The following ARHGEF38 variants were observed in gnomAD, a reference collection of about 807,000 sequenced individuals.
ARHGEF38 encodes the protein Rho guanine nucleotide exchange factor (GEF) 38.
ARHGEF38 carries 79 observed loss-of-function variants against 79.9 expected under a neutral mutation model. The observed-to-expected ratio is 0.99, with a 90% CI of 0.82 to 1.19. ARHGEF38 has a LOEUF of 1.19. Among genes scored for constraint, ARHGEF38 ranks in the 50% most tolerant of loss-of-function variants. The pLI is 0.00. For synonymous variants in ARHGEF38, 366 were observed against 328.3 expected (o/e 1.11, Z -1.24); for missense variants, 962 against 907.2 (o/e 1.06, Z -0.78).
At chr4:105,656,195 A>T (rs1466008933) in intron 9 of ARHGEF38, among the ~76,000 whole-genome samples, 1 of 152,046 alleles carries the variant, frequency 6.6e-6, no homozygotes, top group East Asian at 1.9e-4. Context: ...GCTGGAACTA[A>T]AGGGGCACAC....
Position 105,680,030 on chromosome 4 carries a change from T to G in ARHGEF38, c.*2093T>G. 1.1e-6 allele frequency: 1 copy of G among 920,156 alleles called. No homozygotes were observed. Among genetic ancestry groups the G allele is most frequent in the Non-Finnish European group, 1.8e-6 (1 of 552,504 alleles). 57.0% of individuals were successfully genotyped at this position (920,156 alleles called of 1,614,324 possible). On this transcript the variant is annotated 3_prime_UTR_variant, in exon 14 of 14. Coordinates refer to ENST00000420470, the MANE Select transcript of ARHGEF38 (RefSeq NM_001242729.2). The stretch of plus-strand genomic sequence containing the variant: ...CGGATTCATGGCCATGTCAGTTACA[T>G]TCTTCTTCGTCTCACAGAAAATAAT...
chr4:105,676,449 G>T (rs1278903015), intron 13 of ARHGEF38, among the ~76,000 whole-genome samples: 1 of 152,070 alleles, frequency 6.6e-6, no homozygotes, highest in Non-Finnish European at 1.5e-5. Context: ...GTTGTAAGTT[G>T]TCCAATAAAA....
Position 105,629,928 on chromosome 4 carries a change from A to G in ARHGEF38, c.509-970A>G, listed in dbSNP as rs140802390. The stretch of plus-strand genomic sequence containing the variant: ...AGAAGGAAATATTTTATTTCTCTAA[A>G]CTCCATTGCTTGCCTTTCAGAGAGC... On this transcript the variant is annotated intron_variant, in intron 3 of 13. Transcript: ENST00000420470. Among the ~76,000 whole-genome samples, 508 of 152,290 alleles carry G rather than the reference A, an allele frequency of 3.3e-3. 7 individuals are homozygous for G. Among genetic ancestry groups the G allele is most frequent in the African/African-American group, 0.012 (481 of 41,566 alleles).
intron 1 of ARHGEF38, chr4:105,563,192 T>C (rs1410471726): frequency 6.6e-6 from 1 of 151,678 alleles, no homozygotes; most frequent in Non-Finnish European, 1.5e-5. Flanking sequence ...GTTATTATTA[T>C]TAGAGACACA....
intron 5 of ARHGEF38, among the ~76,000 whole-genome samples, chr4:105,636,848 A>C (rs753392418): frequency 2.6e-5 from 4 of 152,128 alleles, no homozygotes; most frequent in Admixed American, 6.6e-5. Context: ...GATTTCTTCT[A>C]ATTTCAAGTC....
At chr4:105,654,956 A>C (rs1730262230) in intron 8 of ARHGEF38, among the ~76,000 whole-genome samples, 1 of 152,202 alleles carries the variant, frequency 6.6e-6, no homozygotes, top group East Asian at 1.9e-4. Flanking sequence ...CTCTTAGATA[A>C]AATATCAGAA....
At chr4:105,562,909 T>C (rs903433098) in intron 1 of ARHGEF38, among the ~76,000 whole-genome samples, 2 of 152,152 alleles carry the variant, frequency 1.3e-5, no homozygotes, top group Non-Finnish European at 1.5e-5. Flanking sequence ...GTGGTCTCAT[T>C]GGAAGCTTTA....
At position 105,647,359 on chromosome 4, in the gene ARHGEF38, T is replaced by A. The variant is rs540943006; in HGVS notation, c.875-1190T>A. On this transcript the variant is annotated intron_variant, in intron 6 of 13. Coordinates refer to ENST00000420470, the MANE Select transcript of ARHGEF38 (RefSeq NM_001242729.2). Reference sequence around the variant, plus strand: ...TATATGGTACTATAGTTTGTTTTTTTAAAAACTTAATCGTATATCATGAAC... The same window carrying A: ...TATATGGTACTATAGTTTGTTTTTTAAAAAACTTAATCGTATATCATGAAC... Among the ~76,000 whole-genome samples, 454 of 152,312 alleles carry A rather than the reference T, an allele frequency of 3.0e-3. 3 individuals carry two copies. The highest frequency in any genetic ancestry group is 0.01 in the African/African-American group (431 of 41,580).
chr4:105,650,083 CATT>C (rs1730036874), intron 7 of ARHGEF38, among the ~76,000 whole-genome samples: 1 of 152,176 alleles, frequency 6.6e-6, no homozygotes, highest in Non-Finnish European at 1.5e-5. Flanking sequence ...CTTTAGCTGT[CATT>C]ATTATCATAA....
intron 1 of ARHGEF38, among the ~76,000 whole-genome samples, chr4:105,577,504 T>A (rs1173341418): frequency 6.6e-6 from 1 of 152,074 alleles, no homozygotes; most frequent in Non-Finnish European, 1.5e-5. Flanking sequence ...CCAATTTTTC[T>A]TTGAATGTCT....
At chr4:105,648,430 C>G in intron 6 of ARHGEF38, 119 bp from the exon 7 acceptor site, 1 of 958,924 alleles carries the variant, frequency 1.0e-6, no homozygotes, top group South Asian at 2.4e-5. Context: ...GCAGCAGAGG[C>G]TCAAAAATCA....
chr4:105,620,303 G>A (rs1027873850), intron 3 of ARHGEF38, among the ~76,000 whole-genome samples: 7 of 152,224 alleles, frequency 4.6e-5, no homozygotes, highest in African/African-American at 1.7e-4. Flanking sequence ...ATCTCGTTTT[G>A]TCCTGTTGCT....
At chr4:105,636,276 T>C (rs893242077) in intron 4 of ARHGEF38, 127 bp from the exon 5 acceptor site, 2 of 173,078 alleles carry the variant, frequency 1.2e-5, no homozygotes, top group African/African-American at 2.4e-5. Context: ...AGACTACTTC[T>C]ATAAGGCATT....
chr4:105,570,276 T>C (rs937936096), intron 1 of ARHGEF38: 1 of 152,236 alleles, frequency 6.6e-6, no homozygotes, highest in Non-Finnish European at 1.5e-5. Context: ...GTTGCTCTTA[T>C]TATAGGCTTA....
chr4:105,556,839 A>C (rs1192809488), intron 1 of ARHGEF38, among the ~76,000 whole-genome samples: 1 of 152,190 alleles, frequency 6.6e-6, no homozygotes, highest in African/African-American at 2.4e-5. Context: ...ATGTGAGGAC[A>C]CATGTTTCTA....
At chr4:105,565,444 A>AT (rs1225933708) in intron 1 of ARHGEF38, among the ~76,000 whole-genome samples, 3 of 152,146 alleles carry the variant, frequency 2.0e-5, no homozygotes, top group African/African-American at 7.2e-5. Context: ...CTAAGCCAAG[A>AT]TTTTTTTGGG....
Position 105,630,933 on chromosome 4 carries a change from G to T in ARHGEF38, c.544G>T (p.Asp182Tyr), listed in dbSNP as rs767549444. ...VFLQIKGPLEDIYKIYCYHHD... is the reference protein window; with the variant it reads ...VFLQIKGPLEYIYKIYCYHHD... Reference sequence around the variant, plus strand: ...CTTGCAGATTAAAGGGCCACTGGAAGATATTTATAAAATCTACTGCTATCA... The same window carrying T: ...CTTGCAGATTAAAGGGCCACTGGAATATATTTATAAAATCTACTGCTATCA... Residue 182 changes from aspartate to tyrosine, a missense_variant, in exon 4 of 14, where the codon GAT becomes TAT. Coordinates refer to ENST00000420470, the MANE Select transcript of ARHGEF38 (RefSeq NM_001242729.2). 100 of 1,611,934 alleles carry T rather than the reference G, an allele frequency of 6.2e-5. No homozygotes were observed. The highest frequency in any genetic ancestry group is 8.3e-5 in the Non-Finnish European group (98 of 1,179,358).
chr4:105,659,771 A>C (rs1730488023), intron 10 of ARHGEF38, among the ~76,000 whole-genome samples: 1 of 152,070 alleles, frequency 6.6e-6, no homozygotes, highest in Admixed American at 6.6e-5. Context: ...CCATCTCAGC[A>C]TAATGAAAGA....
At chr4:105,603,907 C>T (rs73837064) in intron 2 of ARHGEF38, among the ~76,000 whole-genome samples, 1,916 of 152,304 alleles carry the variant, frequency 0.013, 31 homozygotes, top group African/African-American at 0.036. Context: ...AACCATCTCC[C>T]GCTCACTTTG....
Sources: gnomAD v4.1 joint callset for allele counts (sites outside exome capture counted in the v4.1 genomes callset) on GRCh38, gnomAD v4.1.1 for gene constraint, MANE v1.5 for transcripts, NCBI Gene and HGNC (gene_info 2026-07-23, HGNC 2026-07-21) for gene names.